The following UTRN variants were observed in gnomAD, a reference collection of about 807,000 sequenced individuals.
UTRN encodes dystrophin-related protein 1.
A neutral mutation model predicts 463.9 loss-of-function variants in UTRN; 283 were observed. The observed-to-expected ratio is 0.61, with a 90% CI of 0.55 to 0.67. The LOEUF is 0.67. Among genes scored for constraint, UTRN ranks in the 30% least tolerant of loss-of-function variants. The pLI is 0.00. For synonymous variants in UTRN, 1,442 were observed against 1,431.5 expected (o/e 1.01, Z -0.17); for missense variants, 3,922 against 4,084.3 (o/e 0.96, Z 1.08).
At chr6:144,546,060 T>C (rs1798373444) in intron 46 of UTRN, among the ~76,000 whole-genome samples, 1 of 152,216 alleles carries the variant, frequency 6.6e-6, no homozygotes, top group Non-Finnish European at 1.5e-5. Flanking sequence ...TAATAGGTTC[T>C]TAATAGGTAT....
chr6:144,477,670 C>T (rs1791374475), intron 25 of UTRN, among the ~76,000 whole-genome samples: 1 of 152,022 alleles, frequency 6.6e-6, no homozygotes, highest in African/African-American at 2.4e-5. Context: ...CATTCTTCTG[C>T]AAAACCACAA....
chr6:144,449,212 C>G (rs547174255), intron 17 of UTRN, among the ~76,000 whole-genome samples: 8 of 152,290 alleles, frequency 5.3e-5, no homozygotes, highest in Non-Finnish European at 7.4e-5. Flanking sequence ...TTTCCAGACC[C>G]TTTTATATCT....
chr6:144,449,398 G>A (rs9484877), intron 17 of UTRN, among the ~76,000 whole-genome samples: 3,328 of 152,170 alleles, frequency 0.022, 131 homozygotes, highest in African/African-American at 0.075. Context: ...TTACCAGCTC[G>A]CGGTACAGTG....
At chr6:144,438,028 G>A (rs922362441) in intron 11 of UTRN, among the ~76,000 whole-genome samples, 5 of 152,244 alleles carry the variant, frequency 3.3e-5, no homozygotes, top group Non-Finnish European at 5.9e-5. Context: ...GCACTTGGGA[G>A]GCCAACGCGG....
intron 2 of UTRN, among the ~76,000 whole-genome samples, chr6:144,356,152 C>T (rs1044165942): frequency 1.3e-5 from 2 of 152,176 alleles, no homozygotes; most frequent in Non-Finnish European, 2.9e-5. Context: ...ATATGAATGA[C>T]AATCATTACT....
At chr6:144,640,554 C>A (rs559287980) in intron 51 of UTRN, among the ~76,000 whole-genome samples, 1 of 152,068 alleles carries the variant, frequency 6.6e-6, no homozygotes, top group Non-Finnish European at 1.5e-5. Context: ...AAGTTTTTAT[C>A]CCTTAAAGAG....
At chr6:144,636,936 G>A (rs953821044) in intron 51 of UTRN, among the ~76,000 whole-genome samples, 5 of 152,060 alleles carry the variant, frequency 3.3e-5, no homozygotes, top group African/African-American at 1.2e-4. Context: ...TGATGAGGTG[G>A]TTGAAATCGT....
At chr6:144,758,278 C>G (rs935378888) in intron 58 of UTRN, 1 of 209,216 alleles carries the variant, frequency 4.8e-6, no homozygotes, top group Non-Finnish European at 9.2e-6. Context: ...CCAGCCTGGA[C>G]AACAAAGCAA....
At chr6:144,427,349 A>G (rs1785386855) in intron 7 of UTRN, among the ~76,000 whole-genome samples, 1 of 152,074 alleles carries the variant, frequency 6.6e-6, no homozygotes, top group South Asian at 2.1e-4. Context: ...CACTTCCTCT[A>G]TGTTTTTTTG....
At chr6:144,298,034 G>T (rs4896711) in intron 2 of UTRN, among the ~76,000 whole-genome samples, 11,157 of 152,188 alleles carry the variant, frequency 0.073, 676 homozygotes, top group East Asian at 0.31. Context: ...TTGAGCAGCT[G>T]TAAATATTAG....
chr6:144,608,088 T>A (rs1029208740), intron 51 of UTRN, among the ~76,000 whole-genome samples: 1 of 152,196 alleles, frequency 6.6e-6, no homozygotes, highest in African/African-American at 2.4e-5. Flanking sequence ...TCAAACTAGA[T>A]GTTTTATGCA....
intron 37 of UTRN, among the ~76,000 whole-genome samples, chr6:144,515,615 A>G (rs1372673427): frequency 6.6e-6 from 1 of 152,238 alleles, no homozygotes; most frequent in Non-Finnish European, 1.5e-5. Flanking sequence ...AGGGTAATAA[A>G]TAGGACCTTT....
chr6:144,726,766 G>A (rs752482840), intron 53 of UTRN, among the ~76,000 whole-genome samples: 1 of 152,110 alleles, frequency 6.6e-6, no homozygotes, highest in Non-Finnish European at 1.5e-5. Flanking sequence ...GGGAATCTGT[G>A]ATATGGCTAA....
intron 64 of UTRN, 29 bp from the exon 65 acceptor site, chr6:144,803,007 G>T: frequency 6.9e-7 from 1 of 1,455,912 alleles, no homozygotes; most frequent in East Asian, 2.4e-5. Context: ...AGTAATGCAA[G>T]CCAATAAATT....
intron 1 of UTRN, among the ~76,000 whole-genome samples, chr6:144,289,589 T>C (rs1804026875): frequency 6.6e-6 from 1 of 152,222 alleles, no homozygotes; most frequent in East Asian, 1.9e-4. Flanking sequence ...CCCAAAGTAC[T>C]GGGATTACAG....
At chr6:144,370,895 G>A (rs529251981) in intron 2 of UTRN, among the ~76,000 whole-genome samples, 19 of 152,256 alleles carry the variant, frequency 1.2e-4, no homozygotes, top group African/African-American at 2.4e-4. Flanking sequence ...GCCTGTATTC[G>A]TACTGAAAAT....
At chr6:144,599,584 A>T (rs1002571840) in intron 51 of UTRN, among the ~76,000 whole-genome samples, 12 of 152,170 alleles carry the variant, frequency 7.9e-5, no homozygotes, top group Admixed American at 6.5e-4. Context: ...ATCACTTATA[A>T]TTTTGTTTGG....
At chr6:144,646,686 A>C (rs1159160767) in intron 51 of UTRN, among the ~76,000 whole-genome samples, 7 of 152,136 alleles carry the variant, frequency 4.6e-5, no homozygotes, top group Non-Finnish European at 8.8e-5. Flanking sequence ...AAAAATTCAA[A>C]CTGGGAAAGC....
chr6:144,508,834 A>C (rs1021142673), intron 34 of UTRN, among the ~76,000 whole-genome samples: 1 of 152,216 alleles, frequency 6.6e-6, no homozygotes, highest in Non-Finnish European at 1.5e-5. Flanking sequence ...CTATTGGTTG[A>C]GTAATTAACC....
Sources: gnomAD v4.1 joint callset for allele counts (sites outside exome capture counted in the v4.1 genomes callset) on GRCh38, gnomAD v4.1.1 for gene constraint, MANE v1.5 for transcripts, NCBI Gene and HGNC (gene_info 2026-07-23, HGNC 2026-07-21) for gene names.